Variants in CAMK1D observed in about 807,000 individuals in gnomAD.
The protein encoded by CAMK1D is calcium/calmodulin dependent protein kinase ID.
In CAMK1D, 9 loss-of-function variants were observed where a neutral mutation model predicts 47.7. That is an observed-to-expected ratio of 0.19 (90% confidence interval 0.11 to 0.33). CAMK1D has a LOEUF of 0.33. CAMK1D is among the 10% of genes least tolerant of loss of function. The probability of loss-of-function intolerance (pLI) is 1.00; values close to 1 mark genes in which losing one functional copy is unlikely to be tolerated. For missense variants in CAMK1D, 291 were observed against 488.7 expected, an observed-to-expected ratio of 0.60 and a Z score of 3.81; for synonymous variants, 184 against 184.9, an observed-to-expected ratio of 0.99 and a Z score of 0.04.
intron 1 of CAMK1D, among the ~76,000 whole-genome samples, chr10:12,370,693 C>G (rs1039119608): frequency 3.3e-5 from 5 of 152,174 alleles, no homozygotes; most frequent in Non-Finnish European, 7.3e-5. Context: ...CTGCAACCTT[C>G]GCCTCCCCAG....
rs201344287 is a variant in CAMK1D at position 12,816,350 on chromosome 10, G to A, written c.833+22G>A. 58 of 1,604,728 alleles carry A rather than the reference G, an allele frequency of 3.6e-5. 1 individual carries two copies. The East Asian group carries it at 1.2e-3, about 33-fold the overall frequency. ...CATGGTAAGGAAATGCACCCGCTCA[G>A]CAGACCGTGCCATTTAATGCCATCT... On this transcript the variant is annotated intron_variant, in intron 8 of 10. Transcript: ENST00000619168.
At chr10:12,659,257 G>A (rs908110158) in intron 2 of CAMK1D, among the ~76,000 whole-genome samples, 3 of 152,202 alleles carry the variant, frequency 2.0e-5, no homozygotes, top group Admixed American at 6.5e-5. Flanking sequence ...GTACTACAGG[G>A]AGCCAGTGCT....
At chr10:12,368,743 C>CA (rs566501661) in intron 1 of CAMK1D, among the ~76,000 whole-genome samples, 39,220 of 124,242 alleles carry the variant, frequency 0.32, 5,622 homozygotes, top group East Asian at 0.64. Context: ...GACCCTGTCT[C>CA]AAAAAAAAAA....
chr10:12,823,207 C>G (rs776191855), intron 8 of CAMK1D, among the ~76,000 whole-genome samples: 34 of 152,158 alleles, frequency 2.2e-4, no homozygotes, highest in Non-Finnish European at 3.8e-4. Flanking sequence ...GTTTAATGTC[C>G]AGGGCAGTCA....
chr10:12,384,097 C>T (rs1838422070), intron 1 of CAMK1D, among the ~76,000 whole-genome samples: 2 of 152,228 alleles, frequency 1.3e-5, no homozygotes, highest in South Asian at 2.1e-4. Flanking sequence ...AGAACAATCT[C>T]GTTTATAATA....
intron 3 of CAMK1D, among the ~76,000 whole-genome samples, chr10:12,685,518 G>C (rs1832625797): frequency 6.6e-6 from 1 of 152,186 alleles, no homozygotes; most frequent in African/African-American, 2.4e-5. Context: ...TTGGGTCAAA[G>C]ATATGCCTTC....
chr10:12,603,245 C>T (rs1215763709), intron 2 of CAMK1D, among the ~76,000 whole-genome samples: 1 of 152,078 alleles, frequency 6.6e-6, no homozygotes, highest in African/African-American at 2.4e-5. Flanking sequence ...CTACAGTGAC[C>T]TCAAGCTCAG....
At chr10:12,602,895 G>GTTATTA (rs71386103) in intron 2 of CAMK1D, among the ~76,000 whole-genome samples, 7,786 of 134,358 alleles carry the variant, frequency 0.058, 298 homozygotes, top group Middle Eastern at 0.09. Context: ...CTAACTGCTT[G>GTTATTA]TTATTATTAT....
intron 4 of CAMK1D, among the ~76,000 whole-genome samples, chr10:12,764,391 A>AAAAACAAAAAAAC (rs1564544202): frequency 1.3e-5 from 2 of 151,096 alleles, no homozygotes; most frequent in African/African-American, 2.4e-5. Flanking sequence ...CAAAAAAAAA[A>AAAAACAAAAAAAC]AAAAAAACAT....
At chr10:12,731,979 C>A (rs1228867586) in intron 3 of CAMK1D, among the ~76,000 whole-genome samples, 3 of 152,118 alleles carry the variant, frequency 2.0e-5, no homozygotes, top group Non-Finnish European at 4.4e-5. Flanking sequence ...CACGGTGGCT[C>A]ACGCATGTAA....
chr10:12,444,451 A>C (rs1212358219), intron 1 of CAMK1D, among the ~76,000 whole-genome samples: 3 of 152,158 alleles, frequency 2.0e-5, no homozygotes, highest in South Asian at 2.1e-4. Context: ...TTCTGAGCCA[A>C]ATATCAATGA....
At chr10:12,479,112 T>C (rs1168078032) in intron 1 of CAMK1D, among the ~76,000 whole-genome samples, 2 of 152,064 alleles carry the variant, frequency 1.3e-5, no homozygotes, top group Admixed American at 6.6e-5. Context: ...TCCTGTGGAG[T>C]ATGTGAAAAC....
intron 5 of CAMK1D, among the ~76,000 whole-genome samples, chr10:12,774,487 A>C (rs890981688): frequency 6.6e-6 from 1 of 152,172 alleles, no homozygotes; most frequent in Non-Finnish European, 1.5e-5. Flanking sequence ...AGTCCTGAGC[A>C]GGGGTATGTG....
intron 3 of CAMK1D, among the ~76,000 whole-genome samples, chr10:12,700,103 C>T (rs1833452291): frequency 6.6e-6 from 1 of 152,154 alleles, no homozygotes. Flanking sequence ...ATCGAGTTCA[C>T]AGCCAACAGC....
At chr10:12,789,920 C>G (rs150483457) in intron 5 of CAMK1D, among the ~76,000 whole-genome samples, 1 of 152,398 alleles carries the variant, frequency 6.6e-6, no homozygotes, top group African/African-American at 2.4e-5. Flanking sequence ...CTCAGATTCA[C>G]TGCCTCTTCT....
At chr10:12,592,510 G>A (rs532802291) in intron 2 of CAMK1D, among the ~76,000 whole-genome samples, 2 of 152,258 alleles carry the variant, frequency 1.3e-5, no homozygotes, top group Admixed American at 6.5e-5. Context: ...AGGGGTAGGC[G>A]ACAGGGATTT....
At chr10:12,707,118 C>A (rs1443088071) in intron 3 of CAMK1D, among the ~76,000 whole-genome samples, 1 of 152,146 alleles carries the variant, frequency 6.6e-6, no homozygotes, top group Admixed American at 6.5e-5. Flanking sequence ...CAGATCCCAG[C>A]CCCAGGACAT....
At chr10:12,367,136 T>C (rs1210325479) in intron 1 of CAMK1D, among the ~76,000 whole-genome samples, 2 of 152,086 alleles carry the variant, frequency 1.3e-5, no homozygotes, top group African/African-American at 4.8e-5. Flanking sequence ...GGATAAAAAA[T>C]ATTCATATCC....
intron 3 of CAMK1D, among the ~76,000 whole-genome samples, chr10:12,698,521 T>G (rs1833382986): frequency 6.6e-6 from 1 of 152,150 alleles, no homozygotes; most frequent in South Asian, 2.1e-4. Context: ...ACTTTATTTC[T>G]CAAAATAATC....
Sources: allele counts gnomAD v4.1 joint callset (sites outside exome capture counted in the v4.1 genomes callset), GRCh38; gene constraint gnomAD v4.1.1; transcripts MANE v1.5; gene names NCBI Gene and HGNC (gene_info 2026-07-23, HGNC 2026-07-21).